The following RBM34 variants were observed in gnomAD, a reference collection of about 807,000 sequenced individuals.
RBM34 encodes the protein RNA binding motif protein 34, also known as RNA-binding protein 34.
RBM34 carries 39 observed loss-of-function variants against 44.6 expected under a neutral mutation model. The ratio of observed to expected loss-of-function variants is 0.87; its 90% CI spans 0.68 to 1.14. The LOEUF is 1.14. Ranked by LOEUF, RBM34 falls within the 50% of genes most tolerant of loss-of-function variation. The pLI is 0.00. For synonymous variants in RBM34, 194 were observed against 184.0 expected (o/e 1.05, Z -0.44); for missense variants, 572 against 517.9 (o/e 1.10, Z -1.01).
chr1:235,134,515 A>C (rs1661333808), intron 10 of RBM34, among the ~76,000 whole-genome samples: 2 of 152,174 alleles, frequency 1.3e-5, no homozygotes, highest in Admixed American at 6.5e-5. Context: ...GTTAAAAATT[A>C]GCGAACTAAA....
chr1:235,137,869 C>T lies in RBM34; in HGVS notation c.849+8G>A. On this transcript the variant is annotated splice_region_variant and intron_variant, in intron 8 of 10. Coordinates refer to ENST00000408888, the MANE Select transcript of RBM34 (RefSeq NM_015014.4). ...TCTCGTTCTTTAAACAAATCAAGTA[C>T]TACTTACAGATGAGGTCTCAGATGC... is the stretch of plus-strand genomic sequence containing the variant. The T allele has an allele frequency of 6.3e-7, 1 of 1,580,780 alleles. No homozygotes were observed. The highest frequency in any genetic ancestry group is 1.8e-4 in the Middle Eastern group (1 of 5,652).
intron 6 of RBM34, among the ~76,000 whole-genome samples, chr1:235,143,457 C>G (rs755339666): frequency 6.6e-6 from 1 of 152,148 alleles, no homozygotes; most frequent in African/African-American, 2.4e-5. Flanking sequence ...TGAATGGGGC[C>G]GGGTGCGATG....
chr1:235,149,160 G>A (rs564352166), intron 5 of RBM34, among the ~76,000 whole-genome samples: 14 of 151,722 alleles, frequency 9.2e-5, no homozygotes, highest in East Asian at 4.0e-4. Flanking sequence ...AGGCCAAGGC[G>A]GGCGGATCAC....
intron 3 of RBM34, among the ~76,000 whole-genome samples, chr1:235,156,110 C>T (rs907851963): frequency 9.3e-5 from 14 of 150,578 alleles, no homozygotes; most frequent in East Asian, 2.0e-4. Flanking sequence ...CCTCTTGCTC[C>T]GCCCGCCTCA....
At chr1:235,160,155 G>A (rs1172055270) in intron 3 of RBM34, 1 of 411,082 alleles carries the variant, frequency 2.4e-6, no homozygotes, top group Non-Finnish European at 4.8e-6. Context: ...TCAGGGCCGA[G>A]GCAGGAGAAT....
At chr1:235,146,374 A>G (rs944220290) in intron 6 of RBM34, among the ~76,000 whole-genome samples, 2 of 150,294 alleles carry the variant, frequency 1.3e-5, no homozygotes, top group African/African-American at 5.0e-5. Context: ...AAAAAATGCT[A>G]TAAAAATAAT....
intron 6 of RBM34, among the ~76,000 whole-genome samples, chr1:235,140,894 G>A (rs1256857150): frequency 6.6e-6 from 1 of 152,160 alleles, no homozygotes; most frequent in South Asian, 2.1e-4. Flanking sequence ...GTGGGACCTT[G>A]GAGAACTTTT....
rs767429214 is a variant in RBM34, at chr1:235,161,239, GACTCCCAGAC to G, written c.-23_-14del. 11 of 1,613,252 alleles carry G rather than the reference GACTCCCAGAC, an allele frequency of 6.8e-6. No individual in the cohort carries two copies. The Admixed American group carries it at 1.8e-4, about 27-fold the overall frequency. Reference sequence around the variant, plus strand: ...CTTCCAAGGCCATTCTTACTCCAAAGACTCCCAGACTGCAGCTGCGCGCCAGCTCGCACTT... The same window carrying G: ...CTTCCAAGGCCATTCTTACTCCAAAGTGCAGCTGCGCGCCAGCTCGCACTT... On this transcript the variant is annotated 5_prime_UTR_variant, in exon 1 of 11. Transcript: ENST00000408888.
intron 3 of RBM34, among the ~76,000 whole-genome samples, chr1:235,156,081 G>C (rs1662430193): frequency 6.7e-6 from 1 of 150,136 alleles, no homozygotes; most frequent in African/African-American, 2.5e-5. Context: ...TGTTGGCCAG[G>C]CTGGTCTCGA....
chr1:235,144,808 C>T (rs534633288), intron 6 of RBM34, among the ~76,000 whole-genome samples: 2 of 152,096 alleles, frequency 1.3e-5, no homozygotes, highest in East Asian at 1.9e-4. Context: ...TTTGGGAGGC[C>T]GAGGGTGGGG....
chr1:235,144,572 C>T (rs1000845217), intron 6 of RBM34, among the ~76,000 whole-genome samples: 1 of 150,892 alleles, frequency 6.6e-6, no homozygotes, highest in Non-Finnish European at 1.5e-5. Context: ...GGCAAAATTT[C>T]CCATAAGCCA....
chr1:235,150,311 G>C (rs776911584), intron 5 of RBM34, among the ~76,000 whole-genome samples: 25 of 152,220 alleles, frequency 1.6e-4, no homozygotes, highest in Non-Finnish European at 2.9e-4. Context: ...CTGAACTCAA[G>C]TGATCTGCCT....
At chr1:235,133,636 C>A (rs186681570) in intron 10 of RBM34, among the ~76,000 whole-genome samples, 235 of 152,194 alleles carry the variant, frequency 1.5e-3, no homozygotes, top group Admixed American at 2.9e-3. Flanking sequence ...GTCAGCTCCC[C>A]AAATCCGTGA....
At chr1:235,142,239 G>A (rs989289336) in intron 6 of RBM34, among the ~76,000 whole-genome samples, 26 of 152,074 alleles carry the variant, frequency 1.7e-4, no homozygotes, top group African/African-American at 4.3e-4. Flanking sequence ...ACCCTGCTGC[G>A]CCCACTCCCA....
At chr1:235,152,336 ACC>A (rs1370073858) in intron 5 of RBM34, among the ~76,000 whole-genome samples, 1 of 152,180 alleles carries the variant, frequency 6.6e-6, no homozygotes, top group Non-Finnish European at 1.5e-5. Flanking sequence ...CAGCAATCAT[ACC>A]CACCTCCCAT....
intron 3 of RBM34, among the ~76,000 whole-genome samples, chr1:235,159,421 G>A (rs68172622): frequency 0.15 from 22,696 of 150,952 alleles, 1,876 homozygotes; most frequent in Middle Eastern, 0.22. Flanking sequence ...GTGATGGCGC[G>A]CCCATAGTCC....
chr1:235,156,163 C>G (rs1662433558), intron 3 of RBM34, among the ~76,000 whole-genome samples: 2 of 151,512 alleles, frequency 1.3e-5, no homozygotes, highest in African/African-American at 4.9e-5. Context: ...CCACCGCGCC[C>G]AGTCTCCTTT....
intron 9 of RBM34, 131 bp from the exon 10 acceptor site, chr1:235,135,901 C>A (rs1661408376): frequency 8.4e-7 from 1 of 1,193,130 alleles, no homozygotes; most frequent in African/African-American, 1.5e-5. Context: ...CTTTTTAGTA[C>A]ATGTGCTGCC....
chr1:235,144,795 C>T (rs1661834808), intron 6 of RBM34, among the ~76,000 whole-genome samples: 1 of 152,170 alleles, frequency 6.6e-6, no homozygotes, highest in African/African-American at 2.4e-5. Flanking sequence ...GTAATCCCAG[C>T]ACTTTGGGAG....
Sources: allele counts gnomAD v4.1 joint callset (sites outside exome capture counted in the v4.1 genomes callset), GRCh38; gene constraint gnomAD v4.1.1; transcripts MANE v1.5; gene names NCBI Gene and HGNC (gene_info 2026-07-23, HGNC 2026-07-21).